ACTR2: variants seen among roughly 807,000 people sequenced by gnomAD.
ACTR2 encodes the protein actin related protein 2, also known as actin-related protein 2.
Under a neutral mutation model 50.2 loss-of-function variants are expected in ACTR2, and 5 were observed. That is an observed-to-expected ratio of 0.10 (90% CI 0.05 to 0.21). The LOEUF (loss-of-function observed/expected upper bound fraction) is 0.21, where lower values mean the gene tolerates loss of function less well. Among genes scored for constraint, ACTR2 ranks in the 10% least tolerant of loss-of-function variants. The pLI, the probability that ACTR2 is intolerant of heterozygous loss-of-function variation, is 1.00. For missense variants in ACTR2, 180 were observed against 480.6 expected (o/e 0.37, Z 5.85); for synonymous variants, 140 against 162.9 (o/e 0.86, Z 1.07).
At position 65,236,896 on chromosome 2, in the gene ACTR2, T is replaced by G. The variant is rs958885425; in HGVS notation, c.49-2956T>G. Among the ~76,000 whole-genome samples, 3 of 152,192 alleles carry G rather than the reference T, an allele frequency of 2.0e-5. No homozygotes were observed. The East Asian group carries it at 5.8e-4, about 29-fold the overall frequency. ...TCTGTCTACCTTTGTTTTATTACTGTCATGTATCACATTCAGGTACTATTT... is the reference window on the plus strand; with the variant it reads ...TCTGTCTACCTTTGTTTTATTACTGGCATGTATCACATTCAGGTACTATTT... On this transcript the variant is annotated intron_variant, in intron 1 of 8. Transcript: ENST00000260641.
intron 7 of ACTR2, among the ~76,000 whole-genome samples, chr2:65,263,513 A>G (rs1239338405): frequency 6.6e-6 from 1 of 152,166 alleles, no homozygotes; most frequent in Non-Finnish European, 1.5e-5. Context: ...GCAAGCATTT[A>G]TTTGTGTAAC....
intron 1 of ACTR2, among the ~76,000 whole-genome samples, chr2:65,238,532 G>T (rs1016788381): frequency 6.6e-6 from 1 of 151,634 alleles, no homozygotes; most frequent in Admixed American, 6.6e-5. Flanking sequence ...GGTGGTGGGC[G>T]CCTGTAGTCT....
At chr2:65,258,893 A>G (rs1289544319) in intron 6 of ACTR2, among the ~76,000 whole-genome samples, 6 of 151,974 alleles carry the variant, frequency 3.9e-5, no homozygotes, top group African/African-American at 1.5e-4. Flanking sequence ...GTTTTTCCAG[A>G]TATTTTGGGT....
chr2:65,268,434 A>ATCC, intron 8 of ACTR2, 130 bp from the exon 9 acceptor site: 1 of 391,232 alleles, frequency 2.6e-6, no homozygotes, highest in Non-Finnish European at 4.1e-6. Flanking sequence ...CAGGTACCAA[A>ATCC]TATTACGTTC....
intron 8 of ACTR2, among the ~76,000 whole-genome samples, chr2:65,266,084 A>AG (rs1312055558): frequency 1.3e-5 from 2 of 152,228 alleles, no homozygotes; most frequent in Non-Finnish European, 2.9e-5. Flanking sequence ...GTGATCATTT[A>AG]TTCAGCAAAC....
chr2:65,244,432 A>G (rs1219400586), intron 2 of ACTR2, among the ~76,000 whole-genome samples: 1 of 152,216 alleles, frequency 6.6e-6, no homozygotes, highest in Non-Finnish European at 1.5e-5. Flanking sequence ...TGATTTTACA[A>G]TGAAACTTGT....
chr2:65,230,735 A>G (rs1397014491), intron 1 of ACTR2, among the ~76,000 whole-genome samples: 1 of 151,888 alleles, frequency 6.6e-6, no homozygotes, highest in East Asian at 1.9e-4. Flanking sequence ...TTATGTTACT[A>G]TTCCATTAGT....
intron 7 of ACTR2, among the ~76,000 whole-genome samples, chr2:65,263,563 G>C (rs1672317750): frequency 6.6e-6 from 1 of 152,130 alleles, no homozygotes; most frequent in Non-Finnish European, 1.5e-5. Flanking sequence ...TGATGGGATG[G>C]CTTTGGAGCC....
chr2:65,234,132 G>A (rs147255781), intron 1 of ACTR2, among the ~76,000 whole-genome samples: 58 of 152,030 alleles, frequency 3.8e-4, no homozygotes, highest in Middle Eastern at 3.4e-3. Context: ...GGCTGGTCTC[G>A]AACTCCTGGG....
intron 1 of ACTR2, among the ~76,000 whole-genome samples, chr2:65,229,750 C>CAAAAAAAAAAAAAA (rs57953942): frequency 1.9e-5 from 1 of 54,052 alleles, no homozygotes; most frequent in Non-Finnish European, 4.1e-5. Context: ...GACTCCGTCT[C>CAAAAAAAAAAAAAA]AAAAAAAAAA....
At chr2:65,256,248 A>G (rs1224826588) in intron 6 of ACTR2, among the ~76,000 whole-genome samples, 1 of 152,192 alleles carries the variant, frequency 6.6e-6, no homozygotes, top group Non-Finnish European at 1.5e-5. Flanking sequence ...TGCTTTACTA[A>G]TTCAGTAGGT....
chr2:65,253,935 C>A, intron 5 of ACTR2, 71 bp downstream of exon 5: 1 of 1,360,380 alleles, frequency 7.4e-7, no homozygotes, highest in Non-Finnish European at 1.0e-6. Flanking sequence ...AGAATTGAAT[C>A]TATCGTTTTA....
intron 7 of ACTR2, among the ~76,000 whole-genome samples, chr2:65,262,154 G>A (rs1218997130): frequency 3.9e-5 from 6 of 152,142 alleles, no homozygotes; most frequent in African/African-American, 1.4e-4. Flanking sequence ...TGTCTGATTT[G>A]CAAATATATT....
chr2:65,239,698 T>C (rs1221800262), intron 1 of ACTR2, among the ~76,000 whole-genome samples, 154 bp from the exon 2 acceptor site: 2 of 152,216 alleles, frequency 1.3e-5, no homozygotes, highest in Non-Finnish European at 2.9e-5. Flanking sequence ...TAAAAGGAGA[T>C]GTTGCGATAG....
Position 65,255,530 on chromosome 2 carries a change from A to C in ACTR2, c.586-15A>C, listed in dbSNP as rs57879528. The C allele has an allele frequency of 1.9e-6, 3 of 1,607,738 alleles. No homozygotes were observed. In the Admixed American group the frequency reaches 5.1e-5, roughly 27 times the overall value. The stretch of plus-strand genomic sequence containing the variant: ...TCAGATGTATTATGAACTTATTGCT[A>C]TTGTTTTGTACCAGCTACTTCTGTT... On this transcript the variant is annotated splice_polypyrimidine_tract_variant and intron_variant, in intron 5 of 8. Coordinates refer to ENST00000260641, the MANE Select transcript of ACTR2 (RefSeq NM_005722.4).
chr2:65,243,844 A>T (rs1021877327), intron 2 of ACTR2, among the ~76,000 whole-genome samples: 1 of 152,122 alleles, frequency 6.6e-6, no homozygotes, highest in African/African-American at 2.4e-5. Flanking sequence ...TCATTGTTTC[A>T]GATAGGTGAT....
intron 7 of ACTR2, among the ~76,000 whole-genome samples, chr2:65,262,633 A>G (rs1426006823): frequency 6.6e-6 from 1 of 152,056 alleles, no homozygotes; most frequent in Non-Finnish European, 1.5e-5. Flanking sequence ...AAATTATTTC[A>G]GTGTAATTTT....
In ACTR2 at chr2:65,269,888, T is replaced by A. The variant is rs1457962574; in HGVS notation, c.*1154T>A. 1 of 152,228 alleles carries A rather than the reference T, an allele frequency of 6.6e-6. No homozygotes were observed. The highest frequency in any genetic ancestry group is 1.5e-5 in the Non-Finnish European group (1 of 68,034). 9.4% of individuals were successfully genotyped at this position (152,228 alleles called of 1,614,324 possible). On this transcript the variant is annotated 3_prime_UTR_variant, in exon 9 of 9. Coordinates refer to ENST00000260641, the MANE Select transcript of ACTR2 (RefSeq NM_005722.4). ...TGGAAATACAGTAAAATTTGACTGT[T>A]TAAAATGTTGGCCAAAAAAATCAAG...
At chr2:65,244,773 C>A (rs917071488) in intron 2 of ACTR2, among the ~76,000 whole-genome samples, 1 of 151,808 alleles carries the variant, frequency 6.6e-6, no homozygotes, top group Non-Finnish European at 1.5e-5. Flanking sequence ...CATGGTGAAA[C>A]CCTGTCTCTA....
Sources: gnomAD v4.1 joint callset for allele counts (sites outside exome capture counted in the v4.1 genomes callset) on GRCh38, gnomAD v4.1.1 for gene constraint, MANE v1.5 for transcripts, NCBI Gene and HGNC (gene_info 2026-07-23, HGNC 2026-07-21) for gene names.